SOX6: variants seen among roughly 807,000 people sequenced by gnomAD.
The protein encoded by SOX6 is transcription factor SOX-6.
A neutral mutation model predicts 97.8 loss-of-function variants in SOX6; 11 were observed. The observed-to-expected ratio is 0.11, with a 90% CI of 0.07 to 0.19. The LOEUF is 0.19. SOX6 is among the 10% of genes least tolerant of loss of function. SOX6 has a pLI of 1.00. For missense variants in SOX6, 810 were observed against 1,039.5 expected, an observed-to-expected ratio of 0.78 and a Z score of 3.04; for synonymous variants, 360 against 371.4, an observed-to-expected ratio of 0.97 and a Z score of 0.35.
At chr11:16,529,819 T>C (rs2133168541) in intron 4 of SOX6, among the ~76,000 whole-genome samples, 1 of 151,918 alleles carries the variant, frequency 6.6e-6, no homozygotes, top group Admixed American at 6.6e-5. Context: ...TAACAGATAA[T>C]CCAAAAGAGA....
At chr11:16,084,958 G>C (rs1300295428) in intron 9 of SOX6, among the ~76,000 whole-genome samples, 1 of 152,150 alleles carries the variant, frequency 6.6e-6, no homozygotes, top group African/African-American at 2.4e-5. Flanking sequence ...CAACACCATT[G>C]ATAAATGAAC....
chr11:16,356,246 GC>G lies in SOX6; in HGVS notation c.-158del, dbSNP rs1358827147. On this transcript the variant is annotated 5_prime_UTR_variant, in exon 1 of 16. Coordinates refer to ENST00000683767, the MANE Select transcript of SOX6 (RefSeq NM_001367873.1). ...AAAAAAAAAAAAACCCAACCCCACAGCTAATTAATCTCTGCCAAGTCTCAGG... is the reference window on the plus strand; with the variant it reads ...AAAAAAAAAAAAACCCAACCCCACAGTAATTAATCTCTGCCAAGTCTCAGG... 1.9e-4 allele frequency among the ~76,000 whole-genome samples: 28 copies of G among 148,578 alleles called. No homozygotes were observed. Among genetic ancestry groups the G allele is most frequent in the Non-Finnish European group, 1.5e-5 (1 of 67,464 alleles).
At chr11:16,288,398 C>T (rs987681223) in intron 3 of SOX6, among the ~76,000 whole-genome samples, 2 of 152,098 alleles carry the variant, frequency 1.3e-5, no homozygotes, top group Admixed American at 6.6e-5. Context: ...TTCCCATCCT[C>T]ATAATAGGAT....
At chr11:16,253,886 T>C (rs1853597403) in intron 3 of SOX6, among the ~76,000 whole-genome samples, 1 of 151,968 alleles carries the variant, frequency 6.6e-6, no homozygotes, top group African/African-American at 2.4e-5. Context: ...ACACTAAGTA[T>C]GATAAATGTC....
intron 4 of SOX6, among the ~76,000 whole-genome samples, chr11:16,510,412 TG>T (rs1405402470): frequency 6.6e-6 from 1 of 152,012 alleles, no homozygotes; most frequent in Non-Finnish European, 1.5e-5. Flanking sequence ...CCTACATGAA[TG>T]GGGCAACTCT....
intron 6 of SOX6, among the ~76,000 whole-genome samples, chr11:16,174,794 T>C (rs1408660847): frequency 1.3e-5 from 2 of 152,046 alleles, no homozygotes; most frequent in African/African-American, 4.8e-5. Flanking sequence ...TAATTTCAAC[T>C]GTCTTTAAAA....
At chr11:16,386,767 G>T (rs1858000062) in intron 1 of SOX6, among the ~76,000 whole-genome samples, 1 of 151,842 alleles carries the variant, frequency 6.6e-6, no homozygotes. Context: ...AACCGAATTA[G>T]GTCTCCCTTT....
chr11:16,334,020 A>G (rs297347), intron 2 of SOX6, among the ~76,000 whole-genome samples: 133,916 of 152,134 alleles, frequency 0.88, 59,279 homozygotes, highest in Non-Finnish European at 0.92. Context: ...TTTTGAACAT[A>G]CAGTAATGTT....
At chr11:16,526,740 G>A (rs573209505) in intron 4 of SOX6, among the ~76,000 whole-genome samples, 84 of 151,886 alleles carry the variant, frequency 5.5e-4, no homozygotes, top group Non-Finnish European at 8.2e-4. Flanking sequence ...CCAGCCTTTC[G>A]TATATCAATT....
intron 4 of SOX6, among the ~76,000 whole-genome samples, chr11:16,594,261 C>T (rs1376568870): frequency 1.3e-5 from 2 of 152,098 alleles, no homozygotes; most frequent in African/African-American, 4.8e-5. Flanking sequence ...CAATTTAAAA[C>T]ACAAAAGTCA....
chr11:16,412,207 A>T (rs1392221571), intron 1 of SOX6, among the ~76,000 whole-genome samples: 1 of 152,234 alleles, frequency 6.6e-6, no homozygotes, highest in African/African-American at 2.4e-5. Flanking sequence ...GACAATGCTA[A>T]TAACATTATT....
At chr11:16,245,879 T>A (rs1204614872) in intron 3 of SOX6, among the ~76,000 whole-genome samples, 1 of 151,384 alleles carries the variant, frequency 6.6e-6, no homozygotes, top group Non-Finnish European at 1.5e-5. Context: ...GTTAATCCAA[T>A]CTGATAATCT....
intron 6 of SOX6, among the ~76,000 whole-genome samples, chr11:16,147,904 G>T (rs1460676467): frequency 6.6e-6 from 1 of 152,142 alleles, no homozygotes; most frequent in Non-Finnish European, 1.5e-5. Context: ...ATACAGCCTG[G>T]CATGAAGATG....
At chr11:16,183,088 C>CGT (rs1851386119) in intron 6 of SOX6, among the ~76,000 whole-genome samples, 1 of 151,972 alleles carries the variant, frequency 6.6e-6, no homozygotes, top group South Asian at 2.1e-4. Context: ...GGATTAGTCA[C>CGT]TAGACAGCCA....
At chr11:16,726,085 T>C (rs1179305344) in intron 2 of SOX6, among the ~76,000 whole-genome samples, 1 of 152,184 alleles carries the variant, frequency 6.6e-6, no homozygotes, top group African/African-American at 2.4e-5. Context: ...GGTATAAAAT[T>C]TCTTTTGAGG....
intron 1 of SOX6, among the ~76,000 whole-genome samples, chr11:16,468,995 T>A (rs763710425): frequency 2.6e-5 from 4 of 151,922 alleles, no homozygotes; most frequent in Admixed American, 6.6e-5. Context: ...GCAATTAACT[T>A]GAAATTACCA....
chr11:16,226,316 GTTTTTTTTGTTTTTGTTTTTGT>G (rs869138687), intron 4 of SOX6, among the ~76,000 whole-genome samples: 77 of 51,460 alleles, frequency 1.5e-3, no homozygotes, highest in Middle Eastern at 0.021. Flanking sequence ...ACATAATTGT[GTTTTTTTTGTTTTTGTTTTTGT>G]TTTTTTTTTC....
At chr11:16,047,800 G>A (rs1010698808) in intron 11 of SOX6, among the ~76,000 whole-genome samples, 1 of 151,744 alleles carries the variant, frequency 6.6e-6, no homozygotes, top group African/African-American at 2.4e-5. Flanking sequence ...AGCTCATACT[G>A]GATGTCTGAT....
chr11:16,078,470 AAT>A (rs1194354570), intron 9 of SOX6, among the ~76,000 whole-genome samples: 2 of 152,172 alleles, frequency 1.3e-5, no homozygotes, highest in African/African-American at 4.8e-5. Context: ...TTAGTAAATG[AAT>A]ATATGTCAAT....
Sources: allele counts gnomAD v4.1 joint callset (sites outside exome capture counted in the v4.1 genomes callset), GRCh38; gene constraint gnomAD v4.1.1; transcripts MANE v1.5; gene names NCBI Gene and HGNC (gene_info 2026-07-23, HGNC 2026-07-21).